SLC7A2: variants seen among roughly 807,000 people sequenced by gnomAD.
The protein encoded by SLC7A2 is cationic amino acid transporter 2.
In SLC7A2, 48 loss-of-function variants were observed where a neutral mutation model predicts 58.9. The ratio of observed to expected loss-of-function variants is 0.82; its 90% CI spans 0.65 to 1.04. SLC7A2 has a LOEUF of 1.04. Among genes scored for constraint, SLC7A2 ranks in the 50% least tolerant of loss-of-function variants. The probability of loss-of-function intolerance (pLI) is 0.00; values close to 1 mark genes in which losing one functional copy is unlikely to be tolerated. For missense variants in SLC7A2, 1,029 were observed against 818.8 expected (o/e 1.26, Z -3.13); for synonymous variants, 363 against 314.5 (o/e 1.15, Z -1.63).
At chr8:17,528,273 T>C (rs189854432) in intron 2 of SLC7A2, among the ~76,000 whole-genome samples, 8 of 152,266 alleles carry the variant, frequency 5.3e-5, no homozygotes, top group Non-Finnish European at 2.9e-5. Context: ...AGGACTATTA[T>C]AAGCTAATTA....
chr8:17,538,529 A>G (rs1262974434), intron 2 of SLC7A2, among the ~76,000 whole-genome samples: 2 of 152,226 alleles, frequency 1.3e-5, no homozygotes, highest in Non-Finnish European at 2.9e-5. Flanking sequence ...ATGAATTTGT[A>G]AAGAAATTAA....
intron 5 of SLC7A2, 80 bp downstream of exon 5, chr8:17,548,923 C>G: frequency 1.7e-6 from 2 of 1,194,480 alleles, no homozygotes; most frequent in Non-Finnish European, 2.4e-6. Context: ...CATTTTTACT[C>G]TGCTAATAAA....
chr8:17,507,387 T>A (rs1010123708), intron 2 of SLC7A2, among the ~76,000 whole-genome samples: 6 of 152,132 alleles, frequency 3.9e-5, no homozygotes, highest in Non-Finnish European at 1.5e-5. Context: ...TTATTATTTT[T>A]GTGTGTGTGG....
Position 17,563,589 on chromosome 8 carries a change from G to A in SLC7A2, c.1672-14G>A, listed in dbSNP as rs1803123404. 1 of 1,509,724 alleles carries A rather than the reference G, an allele frequency of 6.6e-7. No homozygotes were observed. The highest frequency in any genetic ancestry group is 1.7e-5 in the Admixed American group (1 of 57,426). The allele number at this position is 1,509,724 out of a possible 1,614,324, so 93.5% of individuals were successfully genotyped here. Reference sequence around the variant, plus strand: ...AAATATGAGTATGTTCAAAAGGATTGTTTTCCCCCTCAGGTTCCATTCTTA... The same window carrying A: ...AAATATGAGTATGTTCAAAAGGATTATTTTCCCCCTCAGGTTCCATTCTTA... On this transcript the variant is annotated splice_polypyrimidine_tract_variant and intron_variant, in intron 11 of 12. Transcript: ENST00000494857.
rs73666182 is a variant in SLC7A2, at chr8:17,534,587, T to C, written c.-22-8731T>C. Among the ~76,000 whole-genome samples, 542 of 151,966 alleles carry C rather than the reference T, an allele frequency of 3.6e-3. 3 individuals carry two copies. Among genetic ancestry groups the C allele is most frequent in the African/African-American group, 0.012 (488 of 41,450 alleles). ...ATTACTCTGTTTGGAATTCTGACAA[T>C]TCAAGGAGCTCAGTGTGGAAATTTT... is the stretch of plus-strand genomic sequence containing the variant. On this transcript the variant is annotated intron_variant, in intron 2 of 12. Transcript: ENST00000494857.
At chr8:17,519,585 C>G (rs949798771) in intron 2 of SLC7A2, among the ~76,000 whole-genome samples, 1 of 152,134 alleles carries the variant, frequency 6.6e-6, no homozygotes, top group African/African-American at 2.4e-5. Flanking sequence ...GTATTGGGTT[C>G]TTTTCACTAT....
intron 2 of SLC7A2, among the ~76,000 whole-genome samples, chr8:17,505,531 A>G (rs1800330469): frequency 6.6e-6 from 1 of 152,174 alleles, no homozygotes; most frequent in Admixed American, 6.5e-5. Context: ...ACTTGACTTC[A>G]GTGATCTCCA....
At chr8:17,500,799 T>TACACACAC (rs60002166) in intron 1 of SLC7A2, among the ~76,000 whole-genome samples, 196 of 146,132 alleles carry the variant, frequency 1.3e-3, no homozygotes, top group African/African-American at 3.9e-3. Flanking sequence ...AACACACACA[T>TACACACAC]ACACACACAC....
chr8:17,564,857 C>T (rs1803188434), intron 12 of SLC7A2, 93 bp from the exon 13 acceptor site: 1 of 1,064,740 alleles, frequency 9.4e-7, no homozygotes, highest in Non-Finnish European at 1.3e-6. Context: ...AAGAGACAAA[C>T]TCTATTAAGT....
intron 6 of SLC7A2, among the ~76,000 whole-genome samples, chr8:17,550,772 T>A (rs1167515849): frequency 6.6e-6 from 1 of 152,226 alleles, no homozygotes; most frequent in Non-Finnish European, 1.5e-5. Context: ...CCAGAAGTGC[T>A]GTCACATGGG....
chr8:17,501,295 T>C (rs1001734223), intron 1 of SLC7A2, among the ~76,000 whole-genome samples: 2 of 152,224 alleles, frequency 1.3e-5, no homozygotes, highest in African/African-American at 4.8e-5. Context: ...ATTACAGGCC[T>C]GAGCCACTGT....
chr8:17,551,752 A>G lies in SLC7A2; in HGVS notation c.833-12A>G, dbSNP rs1339093259. The G allele has an allele frequency of 2.5e-6, 4 of 1,592,642 alleles. No individual in the cohort carries two copies. The East Asian group carries it at 8.9e-5, about 36-fold the overall frequency. On this transcript the variant is annotated splice_polypyrimidine_tract_variant and intron_variant, in intron 6 of 12. Coordinates refer to ENST00000494857, the MANE Select transcript of SLC7A2 (RefSeq NM_001370338.1). The stretch of plus-strand genomic sequence containing the variant: ...TATTAAGCATACACATCTTTTGTTT[A>G]TATTTCCTTAGGTGAAGAAGTTCGG...
intron 2 of SLC7A2, among the ~76,000 whole-genome samples, chr8:17,513,800 A>C (rs952595063): frequency 6.6e-6 from 1 of 152,216 alleles, no homozygotes; most frequent in Non-Finnish European, 1.5e-5. Flanking sequence ...CCCACTTACA[A>C]CAGCGCTAAG....
Position 17,543,320 on chromosome 8 carries a change from C to G in SLC7A2, c.-20C>G. The G allele has an allele frequency of 6.3e-7, 1 of 1,598,126 alleles. No homozygotes were observed. The highest frequency in any genetic ancestry group is 8.5e-7 in the Non-Finnish European group (1 of 1,172,540). On this transcript the variant is annotated splice_region_variant and 5_prime_UTR_variant, in exon 3 of 13. Coordinates refer to ENST00000494857, the MANE Select transcript of SLC7A2 (RefSeq NM_001370338.1). ...CTAACCTCCTCCCTTCTGCTCAGGT[C>G]GCCTTCGTCAGACGTCAGAATGATT...
intron 4 of SLC7A2, 96 bp from the exon 5 acceptor site, chr8:17,548,582 T>C: frequency 1.2e-6 from 1 of 835,028 alleles, no homozygotes; most frequent in Non-Finnish European, 1.9e-6. Context: ...AAGACATGAA[T>C]GCTGGTGAAA....
chr8:17,518,222 T>G (rs1167452589), intron 2 of SLC7A2, among the ~76,000 whole-genome samples: 5 of 151,798 alleles, frequency 3.3e-5, no homozygotes, highest in Non-Finnish European at 7.4e-5. Flanking sequence ...TTCTTTCTTT[T>G]TTTTTTTTGC....
At position 17,560,333 on chromosome 8, in the gene SLC7A2, A is replaced by G. The variant is rs781290452; in HGVS notation, c.1304A>G (p.Gln435Arg). The change falls in exon 10 of 13, where the codon CAG becomes CGG. Residue 435 changes from glutamine (Q) to arginine (R), a missense_variant. Coordinates refer to ENST00000494857, the MANE Select transcript of SLC7A2 (RefSeq NM_001370338.1). ...VAACVLILRY[Q>R]PGLSYDQPKC... is the part of the protein sequence containing the mutation. ...AGATGTTTGTTTGGAAATAGGTACC[A>G]GCCTGGCTTATCTTACGACCAGCCC... 1 of 1,613,580 alleles carries G rather than the reference A, an allele frequency of 6.2e-7. No individual in the cohort carries two copies. Among genetic ancestry groups the G allele is most frequent in the East Asian group, 2.2e-5 (1 of 44,874 alleles).
At chr8:17,542,333 A>G (rs940320385) in intron 2 of SLC7A2, among the ~76,000 whole-genome samples, 3 of 152,206 alleles carry the variant, frequency 2.0e-5, no homozygotes, top group African/African-American at 7.2e-5. Context: ...TATTCCCAGC[A>G]CAATTCCTGG....
chr8:17,507,521 A>AT (rs1441930950), intron 2 of SLC7A2, among the ~76,000 whole-genome samples: 1 of 152,084 alleles, frequency 6.6e-6, no homozygotes, highest in Non-Finnish European at 1.5e-5. Context: ...GCCTTTTTAA[A>AT]TTTTTTGAAG....
Sources: gnomAD v4.1 joint callset for allele counts (sites outside exome capture counted in the v4.1 genomes callset) on GRCh38, gnomAD v4.1.1 for gene constraint, MANE v1.5 for transcripts, NCBI Gene and HGNC (gene_info 2026-07-23, HGNC 2026-07-21) for gene names.